Variants in WDR27 observed in about 807,000 individuals in gnomAD.
WDR27 encodes WD repeat-containing protein 27.
Under a neutral mutation model 114.4 loss-of-function variants are expected in WDR27, and 100 were observed. The observed-to-expected ratio is 0.87, with a 90% CI of 0.74 to 1.03. The LOEUF (loss-of-function observed/expected upper bound fraction) is 1.03, where lower values mean the gene tolerates loss of function less well. Among genes scored for constraint, WDR27 ranks in the 50% least tolerant of loss-of-function variants. WDR27 has a pLI of 0.00. For synonymous variants in WDR27, 449 were observed against 423.1 expected (o/e 1.06, Z -0.75); for missense variants, 1,129 against 1,092.9 (o/e 1.03, Z -0.47).
At chr6:169,610,822 T>C (rs1391010720) in intron 22 of WDR27, among the ~76,000 whole-genome samples, 1 of 152,120 alleles carries the variant, frequency 6.6e-6, no homozygotes, top group African/African-American at 2.4e-5. Flanking sequence ...ATATTCTTAC[T>C]TGTAAGTGGG....
chr6:169,687,136 A>ACTAT (rs1783200182), intron 2 of WDR27, among the ~76,000 whole-genome samples: 1 of 152,182 alleles, frequency 6.6e-6, no homozygotes, highest in African/African-American at 2.4e-5. Context: ...GAAGAAAAAA[A>ACTAT]CTATAATGTT....
chr6:169,431,150 C>T, the WDR27 span, among the ~76,000 whole-genome samples: 8 of 152,236 alleles, frequency 5.3e-5, no homozygotes, highest in South Asian at 2.1e-4. Flanking sequence ...GCCTCACTAG[C>T]GCCAATAATT....
At chr6:169,455,491 A>G (rs551820604), downstream of WDR27, among the ~76,000 whole-genome samples, 3 of 152,344 alleles carry the variant, frequency 2.0e-5, no homozygotes, top group South Asian at 6.2e-4. Flanking sequence ...TTCATTATGG[A>G]TAGAATAGTA....
At chr6:169,611,367 G>A (rs1477188885) in intron 22 of WDR27, among the ~76,000 whole-genome samples, 1 of 141,728 alleles carries the variant, frequency 7.1e-6, no homozygotes, top group African/African-American at 2.6e-5. Flanking sequence ...GTGCAGTGGT[G>A]TGATTTTGGC....
intron 25 of WDR27, among the ~76,000 whole-genome samples, chr6:169,542,339 T>C (rs1796935289): frequency 6.6e-6 from 1 of 152,144 alleles, no homozygotes; most frequent in Non-Finnish European, 1.5e-5. Context: ...ACCAACATCA[T>C]TTAACTACTG....
intron 21 of WDR27, among the ~76,000 whole-genome samples, chr6:169,626,017 G>A (rs1009898528): frequency 6.6e-6 from 1 of 152,216 alleles, no homozygotes; most frequent in Non-Finnish European, 1.5e-5. Flanking sequence ...CACTGACAGG[G>A]TAAGAACGAG....
At chr6:169,587,718 A>G (rs949754783) in intron 23 of WDR27, among the ~76,000 whole-genome samples, 1 of 152,248 alleles carries the variant, frequency 6.6e-6, no homozygotes, top group Admixed American at 6.5e-5. Flanking sequence ...TGCCTTTCTC[A>G]TAACAATCCT....
chr6:169,579,562 CA>C (rs1276378037), intron 24 of WDR27, among the ~76,000 whole-genome samples: 1 of 152,086 alleles, frequency 6.6e-6, no homozygotes, highest in East Asian at 1.9e-4. Context: ...TGGTTGCCCT[CA>C]TTACTCATTA....
chr6:169,649,891 A>C (rs1584897857), intron 14 of WDR27, among the ~76,000 whole-genome samples: 1 of 128,760 alleles, frequency 7.8e-6, no homozygotes, highest in Non-Finnish European at 1.6e-5. Flanking sequence ...TCATCTCTCC[A>C]TCCCTCCATC....
At chr6:169,474,086 C>A (rs550506478) in intron 25 of WDR27, among the ~76,000 whole-genome samples, 2 of 152,278 alleles carry the variant, frequency 1.3e-5, no homozygotes, top group East Asian at 1.9e-4. Flanking sequence ...TTAGGATGTC[C>A]CCCATAGAGT....
intron 25 of WDR27, among the ~76,000 whole-genome samples, chr6:169,526,610 C>T (rs1035688353): frequency 6.6e-6 from 1 of 151,570 alleles, no homozygotes; most frequent in Admixed American, 6.6e-5. Context: ...AAGACTCTGT[C>T]TCAGAACAAT....
rs1436900390 is a variant in WDR27, at chr6:169,645,044, A to T, written c.1658-1258T>A. 2.8e-4 allele frequency among the ~76,000 whole-genome samples: 38 copies of T among 135,232 alleles called. 3 individuals carry two copies. Among genetic ancestry groups the T allele is most frequent in the South Asian group, 4.7e-4 (2 of 4,212 alleles). 88.7% of individuals were successfully genotyped at this position (135,232 alleles called of 152,430 possible). On this transcript the variant is annotated intron_variant, in intron 16 of 25. Coordinates refer to ENST00000448612, the MANE Select transcript of WDR27 (RefSeq NM_182552.5). ...AAAATAAAAAAAAAAAATAAAAAAA[A>T]AAAAAAAAAAAAAAGAAAATCCTAG...
chr6:169,662,095 TC>T (rs1826300383), intron 9 of WDR27, among the ~76,000 whole-genome samples: 1 of 152,184 alleles, frequency 6.6e-6, no homozygotes, highest in Non-Finnish European at 1.5e-5. Context: ...ATCATCCAAT[TC>T]CTTTTATTAA....
At chr6:169,447,097 A>G in the WDR27 span, among the ~76,000 whole-genome samples, 45 of 152,240 alleles carry the variant, frequency 3.0e-4, no homozygotes, top group Non-Finnish European at 5.7e-4. Context: ...TTTCAAAGTC[A>G]CAATAAAATT....
rs369548160 is a variant in WDR27, at chr6:169,545,111, CA to C, written c.2645+27307del. 1.3e-4 allele frequency among the ~76,000 whole-genome samples: 20 copies of C among 152,176 alleles called. No individual in the cohort carries two copies. In the South Asian group the frequency reaches 2.5e-3, roughly 19 times the overall value. On this transcript the variant is annotated intron_variant, in intron 25 of 25. Transcript: ENST00000448612. ...CCTACAATAGCTAAAACTTGACAAA[CA>C]AGAATAAAATGAGAGGAATTACTCT...
chr6:169,430,164 C>T, the WDR27 span, among the ~76,000 whole-genome samples: 1 of 152,196 alleles, frequency 6.6e-6, no homozygotes, highest in Non-Finnish European at 1.5e-5. Context: ...GGCCCAAACT[C>T]CATCATGCAG....
At chr6:169,501,189 A>G (rs1791176287) in intron 25 of WDR27, among the ~76,000 whole-genome samples, 1 of 152,214 alleles carries the variant, frequency 6.6e-6, no homozygotes, top group Non-Finnish European at 1.5e-5. Flanking sequence ...AATCACTGCA[A>G]GTTTCCCAAG....
At chr6:169,586,255 G>A (rs545745533) in intron 23 of WDR27, among the ~76,000 whole-genome samples, 2 of 152,256 alleles carry the variant, frequency 1.3e-5, no homozygotes, top group South Asian at 4.1e-4. Context: ...AATCCCGTGA[G>A]GTCATGCACA....
intron 1 of WDR27, among the ~76,000 whole-genome samples, chr6:169,692,762 C>T (rs544789501): frequency 3.4e-4 from 52 of 152,194 alleles, no homozygotes; most frequent in Non-Finnish European, 6.3e-4. Flanking sequence ...ACGTCTCCCA[C>T]AGCAGCTGCA....
Sources: allele counts gnomAD v4.1 joint callset (sites outside exome capture counted in the v4.1 genomes callset), GRCh38; gene constraint gnomAD v4.1.1; transcripts MANE v1.5; gene names NCBI Gene and HGNC (gene_info 2026-07-23, HGNC 2026-07-21).